ADAMTS12: variants seen among roughly 807,000 people sequenced by gnomAD.
ADAMTS12 encodes ADAM metallopeptidase with thrombospondin type 1 motif 12.
Under a neutral mutation model 167.8 loss-of-function variants are expected in ADAMTS12, and 118 were observed. The observed-to-expected ratio is 0.70, with a 90% CI of 0.61 to 0.82. The LOEUF (loss-of-function observed/expected upper bound fraction) is 0.82, where lower values mean the gene tolerates loss of function less well. Ranked by LOEUF, ADAMTS12 falls within the 40% of genes least tolerant of loss-of-function variation. The probability of loss-of-function intolerance (pLI) is 0.00; values close to 1 mark genes in which losing one functional copy is unlikely to be tolerated. For synonymous variants in ADAMTS12, 704 were observed against 716.9 expected (o/e 0.98, Z 0.29); for missense variants, 1,916 against 1,998.8 (o/e 0.96, Z 0.79).
At chr5:33,630,648 T>C (rs1739873539) in intron 13 of ADAMTS12, 132 bp downstream of exon 13, 2 of 986,260 alleles carry the variant, frequency 2.0e-6, no homozygotes, top group East Asian at 2.6e-5. Context: ...TATCTTTTCG[T>C]TTCATGAACT....
intron 2 of ADAMTS12, among the ~76,000 whole-genome samples, chr5:33,806,649 T>C (rs1747240560): frequency 6.6e-6 from 1 of 152,174 alleles, no homozygotes; most frequent in Non-Finnish European, 1.5e-5. Context: ...CAAAAACATG[T>C]TACTGAGGCC....
chr5:33,545,974 A>G (rs1464868218), intron 22 of ADAMTS12, 85 bp downstream of exon 22: 3 of 1,498,940 alleles, frequency 2.0e-6, no homozygotes, highest in Non-Finnish European at 2.7e-6. Flanking sequence ...ACAAACCTGC[A>G]CGTTGTGCAC....
chr5:33,545,908 G>C (rs1744955330), intron 22 of ADAMTS12, 151 bp downstream of exon 22: 2 of 903,226 alleles, frequency 2.2e-6, no homozygotes, highest in Non-Finnish European at 3.2e-6. Context: ...AATACCTAAT[G>C]TAAATGATGA....
intron 2 of ADAMTS12, among the ~76,000 whole-genome samples, chr5:33,836,877 G>A (rs1036510557): frequency 2.0e-5 from 3 of 152,154 alleles, no homozygotes; most frequent in Non-Finnish European, 4.4e-5. Flanking sequence ...AGGCTGCAGA[G>A]AGAGGTCATC....
chr5:33,842,062 A>G, intron 2 of ADAMTS12, among the ~76,000 whole-genome samples: 1 of 152,134 alleles, frequency 6.6e-6, no homozygotes, highest in East Asian at 1.9e-4. Flanking sequence ...CACTCATGCA[A>G]TCGGGTGAAG....
intron 18 of ADAMTS12, among the ~76,000 whole-genome samples, chr5:33,586,329 T>C (rs1747350813): frequency 6.6e-6 from 1 of 152,244 alleles, no homozygotes; most frequent in Non-Finnish European, 1.5e-5. Context: ...AAGACCCATT[T>C]GATGAATATT....
chr5:33,641,446 C>T (rs1185851144), intron 11 of ADAMTS12, among the ~76,000 whole-genome samples: 10 of 152,150 alleles, frequency 6.6e-5, no homozygotes, highest in East Asian at 5.8e-4. Context: ...AGCAAAATTG[C>T]GTTTCACTAA....
intron 3 of ADAMTS12, among the ~76,000 whole-genome samples, chr5:33,730,289 G>GGTGTGTGTGTGTGTGTGTGT (rs762232547): frequency 8.3e-5 from 12 of 144,154 alleles, no homozygotes; most frequent in Admixed American, 2.8e-4. Context: ...AGTCCATTAG[G>GGTGTGTGTGTGTGTGTGTGT]GTGTGTGTGT....
chr5:33,697,862 C>G (rs985153493), intron 3 of ADAMTS12, among the ~76,000 whole-genome samples: 7 of 152,256 alleles, frequency 4.6e-5, no homozygotes, highest in African/African-American at 1.7e-4. Flanking sequence ...TTCTCATGCC[C>G]CTTTGTTCAG....
At chr5:33,858,585 G>C (rs886069969) in intron 2 of ADAMTS12, among the ~76,000 whole-genome samples, 12 of 151,286 alleles carry the variant, frequency 7.9e-5, no homozygotes, top group African/African-American at 2.7e-4. Flanking sequence ...TTGATCCCAG[G>C]AGGTTTAGGC....
chr5:33,768,072 C>T (rs144326009), intron 2 of ADAMTS12, among the ~76,000 whole-genome samples: 1 of 152,076 alleles, frequency 6.6e-6, no homozygotes, highest in Non-Finnish European at 1.5e-5. Flanking sequence ...AAAAAATGCC[C>T]TGGGGAGGCA....
chr5:33,601,828 A>T (rs1304628519), intron 16 of ADAMTS12, among the ~76,000 whole-genome samples: 1 of 152,224 alleles, frequency 6.6e-6, no homozygotes, highest in Non-Finnish European at 1.5e-5. Flanking sequence ...TCATAAGTTG[A>T]CTGTCATGAT....
intron 2 of ADAMTS12, among the ~76,000 whole-genome samples, chr5:33,872,461 C>A (rs558991865): frequency 1.3e-5 from 2 of 151,618 alleles, no homozygotes; most frequent in Non-Finnish European, 2.9e-5. Context: ...GTAGGAGAAT[C>A]GCTTGAACTC....
At chr5:33,753,433 C>G (rs11960761) in intron 2 of ADAMTS12, among the ~76,000 whole-genome samples, 3,861 of 152,236 alleles carry the variant, frequency 0.025, 184 homozygotes, top group African/African-American at 0.088. Context: ...TTCCGTTTCT[C>G]CTCTGAGTCA....
At chr5:33,626,306 G>C (rs796722919) in intron 13 of ADAMTS12, among the ~76,000 whole-genome samples, 10 of 150,800 alleles carry the variant, frequency 6.6e-5, no homozygotes, top group African/African-American at 2.4e-4. Flanking sequence ...GGTGCTGCGG[G>C]GTAATGGTGG....
chr5:33,588,792 C>G lies in ADAMTS12; in HGVS notation c.2672G>C (p.Trp891Ser). The change falls in exon 18 of 24, where the codon TGG becomes TCG. Residue 891 changes from tryptophan (W) to serine (S), a missense_variant. Physicochemically the swap from Trp to Ser is radical, Grantham distance 177 (BLOSUM62 -3). Coordinates refer to ENST00000504830, the MANE Select transcript of ADAMTS12 (RefSeq NM_030955.4). Reference protein sequence around the residue: ...ACPPRWWAGEWEACSATCGPH... With the variant: ...ACPPRWWAGESEACSATCGPH... Reference sequence around the variant, plus strand: ...CCCGCATGTCGCCGAGCATGCTTCCCACTCCCCTGCCCACCACCTGCAGGC... The same window carrying G: ...CCCGCATGTCGCCGAGCATGCTTCCGACTCCCCTGCCCACCACCTGCAGGC... 1.2e-6 allele frequency: 2 copies of G among 1,613,518 alleles called. No homozygotes were observed. The highest frequency in any genetic ancestry group is 2.2e-5 in the South Asian group (2 of 91,054).
At chr5:33,879,301 TG>T (rs1750342559) in intron 2 of ADAMTS12, among the ~76,000 whole-genome samples, 1 of 152,020 alleles carries the variant, frequency 6.6e-6, no homozygotes, top group East Asian at 1.9e-4. Flanking sequence ...TTCAATGTGA[TG>T]TTGATTCTGC....
intron 2 of ADAMTS12, among the ~76,000 whole-genome samples, chr5:33,842,900 G>A (rs1346381776): frequency 1.3e-5 from 2 of 152,154 alleles, no homozygotes; most frequent in African/African-American, 4.8e-5. Flanking sequence ...GGTAGAGCTG[G>A]GAATCTGTAG....
At chr5:33,813,131 C>T (rs951223404) in intron 2 of ADAMTS12, among the ~76,000 whole-genome samples, 8 of 152,194 alleles carry the variant, frequency 5.3e-5, no homozygotes, top group Non-Finnish European at 2.9e-5. Flanking sequence ...TGCTGGATCA[C>T]GCAAAACAGA....
Sources: gnomAD v4.1 joint callset for allele counts (sites outside exome capture counted in the v4.1 genomes callset) on GRCh38, gnomAD v4.1.1 for gene constraint, MANE v1.5 for transcripts, NCBI Gene and HGNC (gene_info 2026-07-23, HGNC 2026-07-21) for gene names.